The following PLXNA4 variants were observed in gnomAD, a reference collection of about 807,000 sequenced individuals.
PLXNA4 encodes plexin-A4.
A neutral mutation model predicts 191.8 loss-of-function variants in PLXNA4; 44 were observed. The observed-to-expected ratio is 0.23, with a 90% CI of 0.18 to 0.29. The LOEUF is 0.29. Among genes scored for constraint, PLXNA4 ranks in the 10% least tolerant of loss-of-function variants. The pLI is 1.00. For missense variants in PLXNA4, 1,800 were observed against 2,488.8 expected (o/e 0.72, Z 5.89); for synonymous variants, 1,082 against 1,009.5 (o/e 1.07, Z -1.36).
At chr7:132,180,270 G>A (rs1408255429) in intron 19 of PLXNA4, among the ~76,000 whole-genome samples, 1 of 152,156 alleles carries the variant, frequency 6.6e-6, no homozygotes, top group Non-Finnish European at 1.5e-5. Context: ...CACAGAACAT[G>A]ATATTAAGAT....
intron 5 of PLXNA4, among the ~76,000 whole-genome samples, chr7:132,231,630 G>A (rs1038860305): frequency 3.9e-5 from 6 of 152,132 alleles, no homozygotes; most frequent in Admixed American, 3.9e-4. Flanking sequence ...TCACCATGTT[G>A]CCCAGGCTAG....
intron 2 of PLXNA4, among the ~76,000 whole-genome samples, chr7:132,630,802 C>T (rs893053143): frequency 8.5e-5 from 13 of 152,186 alleles, no homozygotes; most frequent in Admixed American, 2.6e-4. Context: ...TGAGCCACTG[C>T]GCCTGGCCTT....
chr7:132,248,813 C>G (rs990151978), intron 4 of PLXNA4, among the ~76,000 whole-genome samples: 2 of 152,098 alleles, frequency 1.3e-5, no homozygotes, highest in East Asian at 3.9e-4. Flanking sequence ...GTGCTTCAGA[C>G]CCCTTGTACT....
chr7:132,528,576 T>C (rs145513442), intron 1 of PLXNA4, among the ~76,000 whole-genome samples: 1 of 152,210 alleles, frequency 6.6e-6, no homozygotes, highest in African/African-American at 2.4e-5. Flanking sequence ...TGAATGGGAC[T>C]GAATGAGAAG....
intron 14 of PLXNA4, among the ~76,000 whole-genome samples, chr7:132,193,328 C>T (rs1290689467): frequency 1.3e-5 from 2 of 152,188 alleles, no homozygotes; most frequent in African/African-American, 4.8e-5. Context: ...AAGGCACTTG[C>T]CAGATGTAGC....
chr7:132,414,059 G>T (rs1247517767), intron 3 of PLXNA4, among the ~76,000 whole-genome samples: 1 of 152,150 alleles, frequency 6.6e-6, no homozygotes, highest in Non-Finnish European at 1.5e-5. Context: ...CTCATAATTT[G>T]GGGGAGCACT....
At chr7:132,153,929 C>T (rs567258313) in intron 25 of PLXNA4, among the ~76,000 whole-genome samples, 1 of 152,268 alleles carries the variant, frequency 6.6e-6, no homozygotes, top group South Asian at 2.1e-4. Flanking sequence ...CATCTCTCCT[C>T]AGACCCATCC....
intron 3 of PLXNA4, among the ~76,000 whole-genome samples, chr7:132,438,794 C>CT (rs113346014): frequency 8.6e-5 from 13 of 151,168 alleles, no homozygotes; most frequent in Non-Finnish European, 1.3e-4. Flanking sequence ...GGTCTAATAG[C>CT]TTTTTTTTTC....
chr7:132,151,277 AGG>A (rs1795594461), intron 25 of PLXNA4, among the ~76,000 whole-genome samples: 2 of 87,660 alleles, frequency 2.3e-5, no homozygotes, highest in Admixed American at 2.3e-4. Context: ...AGGAAGAAGA[AGG>A]AGGAGGAGGA....
intron 2 of PLXNA4, among the ~76,000 whole-genome samples, chr7:132,608,799 C>T (rs1802991151): frequency 6.6e-6 from 1 of 152,146 alleles, no homozygotes; most frequent in Non-Finnish European, 1.5e-5. Flanking sequence ...AAACTGCAAC[C>T]CTCAGGGATT....
intron 25 of PLXNA4, 110 bp from the exon 26 acceptor site, chr7:132,148,756 G>T: frequency 6.8e-7 from 1 of 1,481,052 alleles, no homozygotes; most frequent in Non-Finnish European, 9.0e-7. Context: ...TGTGTCCATT[G>T]CAAGTGCTAG....
intron 23 of PLXNA4, 49 bp from the exon 24 acceptor site, chr7:132,164,337 T>C: frequency 6.2e-7 from 1 of 1,601,444 alleles, no homozygotes; most frequent in Non-Finnish European, 8.5e-7. Context: ...AACACTGGAG[T>C]GTACCCCCAG....
At chr7:132,346,350 C>A (rs1036684338) in intron 3 of PLXNA4, among the ~76,000 whole-genome samples, 1 of 152,056 alleles carries the variant, frequency 6.6e-6, no homozygotes, top group African/African-American at 2.4e-5. Flanking sequence ...AGTGTTTTAA[C>A]AAAACAAAAT....
At chr7:132,161,344 G>A (rs1246108431) in intron 24 of PLXNA4, among the ~76,000 whole-genome samples, 1 of 152,242 alleles carries the variant, frequency 6.6e-6, no homozygotes, top group Non-Finnish European at 1.5e-5. Flanking sequence ...TTCTAAAGTG[G>A]AAGCAGTGGC....
At chr7:132,545,243 C>T (rs1800248794) in intron 1 of PLXNA4, among the ~76,000 whole-genome samples, 1 of 152,138 alleles carries the variant, frequency 6.6e-6, no homozygotes, top group Non-Finnish European at 1.5e-5. Flanking sequence ...TCACATGCTC[C>T]TGTGGGCAGC....
rs1392742229 is a variant in PLXNA4 at position 132,384,159 on chromosome 7, C to T, written c.1372-85937G>A. ...TTCATTCCCTCCCACAGGCCAGGAA[C>T]CTGTGGCACACCCTAAAGAGAATTA... is the stretch of plus-strand genomic sequence containing the variant. On this transcript the variant is annotated intron_variant, in intron 3 of 31. Transcript: ENST00000321063. The T allele has an allele frequency of 3.0e-6, 3 of 985,306 alleles. No homozygotes were observed. In the African/African-American group the frequency reaches 5.2e-5, roughly 17 times the overall value. 61.0% of individuals were successfully genotyped at this position (985,306 alleles called of 1,614,324 possible).
At chr7:132,196,810 G>C (rs887457151) in intron 13 of PLXNA4, among the ~76,000 whole-genome samples, 2 of 152,082 alleles carry the variant, frequency 1.3e-5, no homozygotes, top group South Asian at 4.1e-4. Flanking sequence ...GTTTTAATTT[G>C]CATTTAATTG....
At chr7:132,557,461 G>A (rs966172357) in intron 1 of PLXNA4, among the ~76,000 whole-genome samples, 2 of 151,818 alleles carry the variant, frequency 1.3e-5, no homozygotes, top group Non-Finnish European at 1.5e-5. Flanking sequence ...GGCAGGGGGG[G>A]ACGTAAAGAT....
At chr7:132,282,352 C>T (rs1412698854) in intron 4 of PLXNA4, among the ~76,000 whole-genome samples, 1 of 151,930 alleles carries the variant, frequency 6.6e-6, no homozygotes, top group African/African-American at 2.4e-5. Context: ...GCAGGTGGAT[C>T]GCTTGAGCTC....
Sources: allele counts gnomAD v4.1 joint callset (sites outside exome capture counted in the v4.1 genomes callset), GRCh38; gene constraint gnomAD v4.1.1; transcripts MANE v1.5; gene names NCBI Gene and HGNC (gene_info 2026-07-23, HGNC 2026-07-21).